Variants in SRGAP3 observed in about 807,000 individuals in gnomAD.
SRGAP3 encodes SLIT-ROBO Rho GTPase-activating protein 3.
Under a neutral mutation model 121.1 loss-of-function variants are expected in SRGAP3, and 39 were observed. The observed-to-expected ratio is 0.32, with a 90% CI of 0.25 to 0.42. The LOEUF (loss-of-function observed/expected upper bound fraction) is 0.42, where lower values mean the gene tolerates loss of function less well. Ranked by LOEUF, SRGAP3 falls within the 10% of genes least tolerant of loss-of-function variation. The pLI is 1.00. For missense variants in SRGAP3, 1,213 were observed against 1,470.6 expected, an observed-to-expected ratio of 0.82 and a Z score of 2.86; for synonymous variants, 601 against 570.0, an observed-to-expected ratio of 1.05 and a Z score of -0.77.
chr3:9,189,158 C>T (rs1951682625), intron 1 of SRGAP3, among the ~76,000 whole-genome samples: 2 of 152,338 alleles, frequency 1.3e-5, no homozygotes, highest in African/African-American at 4.8e-5. Context: ...AGGATTTTAT[C>T]CTACAAACCC....
intron 2 of SRGAP3, among the ~76,000 whole-genome samples, chr3:9,106,865 C>T (rs1340342062): frequency 1.3e-5 from 2 of 152,060 alleles, no homozygotes; most frequent in South Asian, 2.1e-4. Flanking sequence ...ATGACCACAT[C>T]CACCTCCCCA....
chr3:9,100,639 G>C (rs384617), intron 3 of SRGAP3, among the ~76,000 whole-genome samples: 48,253 of 152,030 alleles, frequency 0.32, 8,826 homozygotes, highest in African/African-American at 0.5. Flanking sequence ...GAAGTCAAAG[G>C]CTGCATTAAA....
intron 1 of SRGAP3, among the ~76,000 whole-genome samples, chr3:9,345,176 G>A (rs77943099): frequency 0.011 from 1,654 of 152,300 alleles, 15 homozygotes; most frequent in South Asian, 0.038. Flanking sequence ...CAAAGACTGG[G>A]AGAACTGTTG....
chr3:9,060,867 G>A (rs1946132827), intron 5 of SRGAP3, among the ~76,000 whole-genome samples: 1 of 152,148 alleles, frequency 6.6e-6, no homozygotes, highest in South Asian at 2.1e-4. Context: ...CCTTACACCT[G>A]CACCTTGCAC....
intron 1 of SRGAP3, among the ~76,000 whole-genome samples, chr3:9,129,512 C>G (rs1037101691): frequency 3.3e-5 from 5 of 151,510 alleles, no homozygotes; most frequent in Admixed American, 6.6e-5. Context: ...CTTCAGAGCC[C>G]ACATAAAGCA....
At chr3:9,339,562 T>C (rs1236385094) in intron 1 of SRGAP3, among the ~76,000 whole-genome samples, 1 of 152,228 alleles carries the variant, frequency 6.6e-6, no homozygotes, top group Non-Finnish European at 1.5e-5. Context: ...TATGGAGAGC[T>C]CACGACTTCA....
intron 3 of SRGAP3, among the ~76,000 whole-genome samples, chr3:9,087,395 T>C (rs1370941666): frequency 6.6e-6 from 1 of 151,820 alleles, no homozygotes; most frequent in Non-Finnish European, 1.5e-5. Flanking sequence ...TAAAATCAAA[T>C]TTTTTAGTAA....
At chr3:9,073,385 T>A (rs1232190993) in intron 4 of SRGAP3, among the ~76,000 whole-genome samples, 2 of 152,252 alleles carry the variant, frequency 1.3e-5, no homozygotes, top group Admixed American at 6.5e-5. Flanking sequence ...GCTCAAGCGA[T>A]CTGCCTGACT....
chr3:9,047,630 G>A (rs543336418), intron 9 of SRGAP3, among the ~76,000 whole-genome samples, 155 bp from the exon 10 acceptor site: 4 of 152,338 alleles, frequency 2.6e-5, no homozygotes, highest in African/African-American at 4.8e-5. Context: ...CTGCATCTGC[G>A]TCTTTGCTTT....
At chr3:9,214,050 C>T (rs983017358) in intron 1 of SRGAP3, among the ~76,000 whole-genome samples, 15 of 151,642 alleles carry the variant, frequency 9.9e-5, no homozygotes, top group African/African-American at 2.9e-4. Context: ...TATCTGAATC[C>T]GTCCTATTTG....
At position 9,015,622 on chromosome 3, in the gene SRGAP3, C is replaced by A. The variant is rs1351087663; in HGVS notation, c.1788G>T (p.Arg596Ser). ...TAATAGTAGATATCAAATCTTGAAA[C>A]CTTTCCTTAGGAAAGAGTGGGTTTT... ...GLENPLFPKE[R>S]FQDLISTIKL... The change falls in exon 15 of 22, where the codon AGG becomes AGT. Residue 596 changes from arginine (R) to serine (S), a missense_variant. Around this residue, in one of 2 missense-constraint regions of SRGAP3, gnomAD observed 793 missense variants for 1,032.9 expected, o/e 0.77. Transcript: ENST00000383836. 1 of 1,614,124 alleles carries A rather than the reference C, an allele frequency of 6.2e-7. No homozygotes were observed. The highest frequency in any genetic ancestry group is 1.7e-5 in the Admixed American group (1 of 60,022).
intron 1 of SRGAP3, among the ~76,000 whole-genome samples, chr3:9,160,553 A>C (rs1201249197): frequency 1.3e-5 from 2 of 152,238 alleles, no homozygotes; most frequent in African/African-American, 4.8e-5. Flanking sequence ...AGCTGACTGC[A>C]GCACTAGCAA....
chr3:9,029,437 G>C (rs1158128725), intron 12 of SRGAP3, among the ~76,000 whole-genome samples: 1 of 152,168 alleles, frequency 6.6e-6, no homozygotes, highest in Non-Finnish European at 1.5e-5. Context: ...AAAGGGGTTT[G>C]TTTATTCAGG....
chr3:8,987,712 G>T (rs79943958), intron 21 of SRGAP3, among the ~76,000 whole-genome samples: 4,321 of 133,646 alleles, frequency 0.032, 207 homozygotes, highest in African/African-American at 0.15. Flanking sequence ...TGTTTCATCC[G>T]TTGCCCCAGA....
intron 3 of SRGAP3, among the ~76,000 whole-genome samples, chr3:9,268,687 A>T (rs1024664770): frequency 2.0e-5 from 3 of 152,020 alleles, no homozygotes; most frequent in African/African-American, 7.2e-5. Context: ...TGAGATAACA[A>T]ATGTGTGGGT....
At chr3:9,058,632 C>T (rs996427141) in intron 6 of SRGAP3, 160 bp from the exon 7 acceptor site, 9 of 702,714 alleles carry the variant, frequency 1.3e-5, no homozygotes, top group East Asian at 2.7e-5. Context: ...ACAAACCTCA[C>T]GGCGCCCCTC....
chr3:9,236,582 C>T lies in SRGAP3; in HGVS notation c.67+12303G>A, dbSNP rs2125229680. On this transcript the variant is annotated intron_variant, in intron 1 of 21. Coordinates refer to ENST00000383836, the MANE Select transcript of SRGAP3 (RefSeq NM_014850.4). ...TTGTTTAAAAGTGTGTGGCACTTCC[C>T]CCCCCCTCTTCTTCCTACTCCTGCC... 2.0e-5 allele frequency among the ~76,000 whole-genome samples: 3 copies of T among 151,968 alleles called. 1 individual carries two copies. The East Asian group carries it at 5.8e-4, about 29-fold the overall frequency.
chr3:9,233,421 C>G (rs1953294385), intron 1 of SRGAP3, among the ~76,000 whole-genome samples: 1 of 152,244 alleles, frequency 6.6e-6, no homozygotes, highest in African/African-American at 2.4e-5. Context: ...TCTTCTTCAG[C>G]TGATTCCTGG....
rs1371702609 is a variant in SRGAP3 at position 8,995,165 on chromosome 3, C to T, written c.2228-642G>A. 2.0e-5 allele frequency among the ~76,000 whole-genome samples: 3 copies of T among 152,084 alleles called. No homozygotes were observed. The East Asian group carries it at 5.8e-4, about 29-fold the overall frequency. ...TAATGGTGGGGTCATAATCCTAGTG[C>T]TGGTGTCTTTATAAGAGGAGCAGAG... On this transcript the variant is annotated intron_variant, in intron 18 of 21. Coordinates refer to ENST00000383836, the MANE Select transcript of SRGAP3 (RefSeq NM_014850.4).
Sources: gnomAD v4.1 joint callset for allele counts (sites outside exome capture counted in the v4.1 genomes callset) on GRCh38, gnomAD v4.1.1 for gene constraint, gnomAD v4.1.1 regional missense constraint, MANE v1.5 for transcripts, NCBI Gene and HGNC (gene_info 2026-07-23, HGNC 2026-07-21) for gene names.